The following PIWIL2 variants were observed in gnomAD, a reference collection of about 807,000 sequenced individuals.
The protein encoded by PIWIL2 is piwi-like protein 2.
PIWIL2 carries 81 observed loss-of-function variants against 116.5 expected under a neutral mutation model. The ratio of observed to expected loss-of-function variants is 0.70; its 90% CI spans 0.58 to 0.84. The LOEUF is 0.84. Among genes scored for constraint, PIWIL2 ranks in the 40% least tolerant of loss-of-function variants. The pLI is 0.00. For missense variants in PIWIL2, 1,272 were observed against 1,212.3 expected, an observed-to-expected ratio of 1.05 and a Z score of -0.73; for synonymous variants, 489 against 429.5, an observed-to-expected ratio of 1.14 and a Z score of -1.71.
At chr8:22,300,480 C>G (rs2132023013) in intron 10 of PIWIL2, among the ~76,000 whole-genome samples, 1 of 152,248 alleles carries the variant, frequency 6.6e-6, no homozygotes, top group South Asian at 2.1e-4. Context: ...GTGTACAAGT[C>G]TTTGTGTGGA....
At chr8:22,303,170 A>G (rs1191597027) in intron 10 of PIWIL2, among the ~76,000 whole-genome samples, 2 of 152,238 alleles carry the variant, frequency 1.3e-5, no homozygotes, top group Non-Finnish European at 2.9e-5. Context: ...TGGTGGTGAC[A>G]TGCAACAGTT....
Position 22,287,427 on chromosome 8 carries a change from A to T in PIWIL2, c.744-101A>T. On this transcript the variant is annotated intron_variant, in intron 6 of 22. Coordinates refer to ENST00000356766, the MANE Select transcript of PIWIL2 (RefSeq NM_018068.5). Reference sequence around the variant, plus strand: ...AGATAATTTTTAATATGCCCGCTAGATGGAGCAGCAGTTACTGGGTAACTA... The same window carrying T: ...AGATAATTTTTAATATGCCCGCTAGTTGGAGCAGCAGTTACTGGGTAACTA... 5.1e-6 allele frequency: 4 copies of T among 786,040 alleles called. 1 individual carries two copies. The South Asian group carries it at 5.5e-5, about 11-fold the overall frequency. 48.7% of individuals were successfully genotyped at this position (786,040 alleles called of 1,614,324 possible).
At chr8:22,297,242 A>C (rs988355007) in intron 10 of PIWIL2, among the ~76,000 whole-genome samples, 4 of 152,130 alleles carry the variant, frequency 2.6e-5, no homozygotes, top group Admixed American at 6.6e-5. Context: ...CTCCTACCTC[A>C]GCCTCCGAAA....
chr8:22,321,402 T>C (rs1831595873), intron 20 of PIWIL2, among the ~76,000 whole-genome samples: 1 of 152,170 alleles, frequency 6.6e-6, no homozygotes, highest in Non-Finnish European at 1.5e-5. Context: ...CATGAGCCAC[T>C]GCGCCTGGCC....
chr8:22,350,776 A>C (rs1832334981), intron 20 of PIWIL2, among the ~76,000 whole-genome samples: 1 of 152,042 alleles, frequency 6.6e-6, no homozygotes, highest in African/African-American at 2.4e-5. Context: ...CTGAGGGAGG[A>C]GGATTACTTG....
At chr8:22,340,922 A>G (rs2132094954) in intron 20 of PIWIL2, among the ~76,000 whole-genome samples, 1 of 152,176 alleles carries the variant, frequency 6.6e-6, no homozygotes, top group East Asian at 1.9e-4. Context: ...AGTGTTGCTT[A>G]AGCTGGTCTG....
chr8:22,349,981 A>T (rs1179210527), intron 20 of PIWIL2, among the ~76,000 whole-genome samples: 1 of 152,138 alleles, frequency 6.6e-6, no homozygotes, highest in Non-Finnish European at 1.5e-5. Context: ...CTCAACTGGG[A>T]GCAATTTTGT....
rs1422503177 is a variant in PIWIL2 at position 22,287,529 on chromosome 8, C to T, written c.745C>T (p.Pro249Ser). Residue 249 changes from proline (P) to serine (S), a missense_variant and splice_region_variant, in exon 7 of 23, where the codon CCC becomes TCC. Physicochemically the swap from Pro to Ser is moderately conservative, Grantham distance 74. Transcript: ENST00000356766. ...AAAATCCTCTTCATTATTTTCCAGCCCCAATGTGGAGTGCAAAAGCATGAG... is the reference window on the plus strand; with the variant it reads ...AAAATCCTCTTCATTATTTTCCAGCTCCAATGTGGAGTGCAAAAGCATGAG... ...AVYQYHVTFSPNVECKSMRFG... is the reference protein window; with the variant it reads ...AVYQYHVTFSSNVECKSMRFG... The T allele has an allele frequency of 1.9e-6, 3 of 1,600,666 alleles. No homozygotes were observed. The highest frequency in any genetic ancestry group is 2.6e-6 in the Non-Finnish European group (3 of 1,167,744).
chr8:22,292,712 A>G (rs1051340478), intron 10 of PIWIL2, among the ~76,000 whole-genome samples: 2 of 152,246 alleles, frequency 1.3e-5, no homozygotes, highest in African/African-American at 4.8e-5. Flanking sequence ...CTTTATAGAC[A>G]GAAAAGGGCC....
chr8:22,288,738 C>T, intron 8 of PIWIL2, 72 bp downstream of exon 8: 1 of 1,346,774 alleles, frequency 7.4e-7, no homozygotes, highest in Non-Finnish European at 1.0e-6. Flanking sequence ...CTTCAAGATA[C>T]TTGGATGGAA....
intron 6 of PIWIL2, among the ~76,000 whole-genome samples, chr8:22,285,094 C>A (rs1206036049): frequency 6.6e-6 from 1 of 152,116 alleles, no homozygotes; most frequent in Non-Finnish European, 1.5e-5. Context: ...GTGGTGAAAA[C>A]ATTTAAAATC....
At position 22,283,198 on chromosome 8, in the gene PIWIL2, C is replaced by G; in HGVS notation, c.590C>G (p.Ser197Cys). Reference sequence around the variant, plus strand: ...GCTCTGCCCCAGTCTCCCCTGCACTCTCCAGATCGCCCTCTGGTCCTGACT... The same window carrying G: ...GCTCTGCCCCAGTCTCCCCTGCACTGTCCAGATCGCCCTCTGGTCCTGACT... ...PPALPQSPLH[S>C]PDRPLVLTVE... The change falls in exon 5 of 23, where the codon TCT becomes TGT. Residue 197 changes from serine (S) to cysteine (C), a missense_variant. By Grantham distance (112) the Ser-to-Cys change is moderately radical (BLOSUM62 -1). Coordinates refer to ENST00000356766, the MANE Select transcript of PIWIL2 (RefSeq NM_018068.5). 1.2e-6 allele frequency: 2 copies of G among 1,614,074 alleles called. No homozygotes were observed. The highest frequency in any genetic ancestry group is 2.7e-5 in the African/African-American group (2 of 75,050).
intron 10 of PIWIL2, among the ~76,000 whole-genome samples, chr8:22,290,613 ATT>A (rs34573190): frequency 1.1e-3 from 128 of 114,084 alleles, no homozygotes; most frequent in African/African-American, 3.1e-3. Flanking sequence ...CCAATTTTTA[ATT>A]TTTTTTTTTT....
In PIWIL2 at chr8:22,339,692, A is replaced by G. The variant is rs568998363; in HGVS notation, c.2404-13267A>G. Among the ~76,000 whole-genome samples the G allele has an allele frequency of 1.6e-4, 24 of 152,344 alleles. No individual in the cohort carries two copies. In the South Asian group the frequency reaches 4.8e-3, roughly 30 times the overall value. On this transcript the variant is annotated intron_variant, in intron 20 of 22. Transcript: ENST00000356766. ...GACACTATTAAGAAAGTTAAAAGAC[A>G]ACGCATAGAATGGGAGAAGTCATTC... is the stretch of plus-strand genomic sequence containing the variant.
chr8:22,340,851 A>G (rs1200111937), intron 20 of PIWIL2, among the ~76,000 whole-genome samples: 3 of 152,090 alleles, frequency 2.0e-5, no homozygotes, highest in Non-Finnish European at 2.9e-5. Flanking sequence ...AGCTGGGTCT[A>G]CAGGAATGCG....
intron 16 of PIWIL2, among the ~76,000 whole-genome samples, chr8:22,313,374 T>C (rs1335996039): frequency 6.6e-6 from 1 of 152,232 alleles, no homozygotes; most frequent in East Asian, 1.9e-4. Context: ...CTTAATGTGC[T>C]TGTTTGTTGG....
At chr8:22,307,476 T>A (rs1015598597) in intron 13 of PIWIL2, among the ~76,000 whole-genome samples, 657 of 23,940 alleles carry the variant, frequency 0.027, 20 homozygotes, top group African/African-American at 0.1. Context: ...ATTATTCATT[T>A]TTTTTTTTTT....
chr8:22,290,093 T>C (rs1272451250), intron 9 of PIWIL2, 140 bp from the exon 10 acceptor site: 6 of 703,082 alleles, frequency 8.5e-6, no homozygotes, highest in African/African-American at 3.6e-5. Flanking sequence ...TTTGCAATAA[T>C]GTCAATTAAC....
chr8:22,293,683 G>A (rs1362486786), intron 10 of PIWIL2, among the ~76,000 whole-genome samples: 3 of 152,162 alleles, frequency 2.0e-5, no homozygotes, highest in Admixed American at 6.5e-5. Flanking sequence ...GATTATCATG[G>A]TTGTCTCTGT....
Sources: allele counts gnomAD v4.1 joint callset (sites outside exome capture counted in the v4.1 genomes callset), GRCh38; gene constraint gnomAD v4.1.1; transcripts MANE v1.5; gene names NCBI Gene and HGNC (gene_info 2026-07-23, HGNC 2026-07-21).